Variants in STAU2 observed in about 807,000 individuals in gnomAD.
STAU2 encodes the protein staufen double-stranded RNA binding protein 2, also known as double-stranded RNA-binding protein Staufen homolog 2.
Under a neutral mutation model 65.9 loss-of-function variants are expected in STAU2, and 20 were observed. The observed-to-expected ratio is 0.30, with a 90% CI of 0.21 to 0.44. The LOEUF is 0.44. Ranked by LOEUF, STAU2 falls within the 20% of genes least tolerant of loss-of-function variation. The pLI, the probability that STAU2 is intolerant of heterozygous loss-of-function variation, is 1.00. For missense variants in STAU2, 558 were observed against 683.9 expected, an observed-to-expected ratio of 0.82 and a Z score of 2.05; for synonymous variants, 232 against 233.9, an observed-to-expected ratio of 0.99 and a Z score of 0.07.
intron 13 of STAU2, among the ~76,000 whole-genome samples, chr8:73,506,603 T>G (rs945459088): frequency 2.0e-5 from 3 of 152,120 alleles, no homozygotes; most frequent in South Asian, 4.1e-4. Flanking sequence ...CTTGCATCAG[T>G]GTGGATGGCT....
intron 11 of STAU2, among the ~76,000 whole-genome samples, chr8:73,584,314 G>C (rs1386766566): frequency 1.3e-5 from 2 of 152,112 alleles, no homozygotes; most frequent in Non-Finnish European, 2.9e-5. Context: ...TGCTAACACA[G>C]GCATCCTTCA....
chr8:73,577,880 T>C (rs1463046992), intron 12 of STAU2, among the ~76,000 whole-genome samples: 2 of 152,222 alleles, frequency 1.3e-5, no homozygotes, highest in South Asian at 2.1e-4. Flanking sequence ...CCTTTGGCCA[T>C]TGGGGTGTTT....
chr8:73,548,804 C>T (rs1807117773), intron 13 of STAU2, among the ~76,000 whole-genome samples: 1 of 152,124 alleles, frequency 6.6e-6, no homozygotes, highest in Non-Finnish European at 1.5e-5. Context: ...ACAGGAGAGG[C>T]ACAGAATAGC....
At chr8:73,552,908 A>T (rs1359735717) in intron 12 of STAU2, among the ~76,000 whole-genome samples, 1 of 152,214 alleles carries the variant, frequency 6.6e-6, no homozygotes. Context: ...CTTTGCTCAT[A>T]CTACCATGTG....
intron 12 of STAU2, among the ~76,000 whole-genome samples, chr8:73,577,320 G>T (rs891520376): frequency 6.6e-6 from 1 of 151,680 alleles, no homozygotes; most frequent in Admixed American, 6.6e-5. Context: ...CCCAGCTACT[G>T]GGAAGGCTGA....
At chr8:73,427,715 T>C (rs572036835) in intron 13 of STAU2, among the ~76,000 whole-genome samples, 6 of 152,378 alleles carry the variant, frequency 3.9e-5, no homozygotes, top group Non-Finnish European at 7.3e-5. Context: ...CTCACTCACT[T>C]GTAGGCTCCA....
At chr8:73,575,230 A>G (rs1230426970) in intron 12 of STAU2, among the ~76,000 whole-genome samples, 1 of 152,124 alleles carries the variant, frequency 6.6e-6, no homozygotes, top group African/African-American at 2.4e-5. Context: ...AATGGCTCAT[A>G]GATCTACCAA....
chr8:73,742,799 T>C (rs1178293315), intron 1 of STAU2, among the ~76,000 whole-genome samples: 3 of 152,088 alleles, frequency 2.0e-5, no homozygotes, highest in Non-Finnish European at 4.4e-5. Flanking sequence ...CTGATATAAG[T>C]CGTACTTTAA....
chr8:73,704,487 G>A (rs1281122541), intron 4 of STAU2, among the ~76,000 whole-genome samples: 1 of 151,896 alleles, frequency 6.6e-6, no homozygotes, highest in South Asian at 2.1e-4. Context: ...GGTGTAGTGC[G>A]CTATTTTTTT....
At position 73,546,123 on chromosome 8, in the gene STAU2, CTTTTTTTTTT is replaced by C. The variant is rs71561528; in HGVS notation, c.1530+5879_1530+5888del. ...GCCTGGCTAATTTTTGTTTGGTTTT[CTTTTTTTTTT>C]TTTTTTTTTTTTTGGTAGAGACAGA... On this transcript the variant is annotated intron_variant, in intron 13 of 14. Coordinates refer to ENST00000524300, the MANE Select transcript of STAU2 (RefSeq NM_001164380.2). 1.2e-4 allele frequency among the ~76,000 whole-genome samples: 11 copies of C among 93,290 alleles called. 1 individual carries two copies. The highest frequency in any genetic ancestry group is 1.9e-5 in the Non-Finnish European group (1 of 52,028). The allele number at this position is 93,290 out of a possible 152,430, so 61.2% of individuals were successfully genotyped here.
intron 6 of STAU2, among the ~76,000 whole-genome samples, chr8:73,628,637 T>A (rs1004540350): frequency 6.6e-6 from 1 of 152,198 alleles, no homozygotes. Flanking sequence ...AAAATACTTA[T>A]AAAACTTCTA....
chr8:73,433,688 A>T (rs1383801177), intron 13 of STAU2, among the ~76,000 whole-genome samples: 1 of 151,714 alleles, frequency 6.6e-6, no homozygotes, highest in Non-Finnish European at 1.5e-5. Context: ...TTTAGCAGAG[A>T]CATGGTTTCG....
At chr8:73,426,169 CT>C (rs60313895) in intron 13 of STAU2, among the ~76,000 whole-genome samples, 19,573 of 147,440 alleles carry the variant, frequency 0.13, 3,688 homozygotes, top group African/African-American at 0.42. Context: ...AGGTAACCTG[CT>C]TTTTTTTTTT....
chr8:73,541,198 G>C (rs979554781), intron 13 of STAU2, among the ~76,000 whole-genome samples: 3 of 152,126 alleles, frequency 2.0e-5, no homozygotes, highest in African/African-American at 7.2e-5. Flanking sequence ...GTGGGTGTGT[G>C]GCTGGCAGAT....
intron 6 of STAU2, among the ~76,000 whole-genome samples, chr8:73,630,379 T>C (rs1405493793): frequency 1.3e-5 from 2 of 152,224 alleles, no homozygotes; most frequent in South Asian, 2.1e-4. Context: ...GGAGATGATA[T>C]TGGTAGAGAC....
chr8:73,701,721 C>A (rs965741036), intron 4 of STAU2, among the ~76,000 whole-genome samples: 4 of 152,086 alleles, frequency 2.6e-5, no homozygotes, highest in Non-Finnish European at 5.9e-5. Flanking sequence ...CCAGCAATCC[C>A]GCTGCTGGGT....
intron 5 of STAU2, among the ~76,000 whole-genome samples, chr8:73,684,227 T>A (rs12679754): frequency 0.19 from 28,977 of 151,862 alleles, 3,016 homozygotes; most frequent in East Asian, 0.37. Context: ...GGCTATAGTC[T>A]CCAAAACAGC....
chr8:73,610,672 C>CCAATAAGGACA (rs1317410230), intron 9 of STAU2, among the ~76,000 whole-genome samples: 1 of 152,028 alleles, frequency 6.6e-6, no homozygotes, highest in African/African-American at 2.4e-5. Context: ...ATTCTATATA[C>CCAATAAGGACA]CAATAAGGAC....
chr8:73,715,163 A>G (rs1458319368), intron 3 of STAU2, among the ~76,000 whole-genome samples: 3 of 152,084 alleles, frequency 2.0e-5, no homozygotes, highest in Non-Finnish European at 4.4e-5. Flanking sequence ...TTTAAAGCCA[A>G]TAGGAAAAAA....
Sources: allele counts gnomAD v4.1 joint callset (sites outside exome capture counted in the v4.1 genomes callset), GRCh38; gene constraint gnomAD v4.1.1; transcripts MANE v1.5; gene names NCBI Gene and HGNC (gene_info 2026-07-23, HGNC 2026-07-21).